CRYBG3: variants seen among roughly 807,000 people sequenced by gnomAD.
CRYBG3 encodes crystallin beta-gamma domain containing 3, also known as very large A-kinase anchor protein.
A neutral mutation model predicts 244.2 loss-of-function variants in CRYBG3; 127 were observed. The observed-to-expected ratio is 0.52, with a 90% CI of 0.45 to 0.60. The LOEUF is 0.60. CRYBG3 is among the 20% of genes least tolerant of loss of function. CRYBG3 has a pLI of 0.00. For missense variants in CRYBG3, 3,325 were observed against 3,442.5 expected, an observed-to-expected ratio of 0.97 and a Z score of 0.85; for synonymous variants, 1,132 against 1,195.8, an observed-to-expected ratio of 0.95 and a Z score of 1.10.
At chr3:97,929,790 GT>G (rs1451263915) in intron 17 of CRYBG3, among the ~76,000 whole-genome samples, 1 of 151,854 alleles carries the variant, frequency 6.6e-6, no homozygotes, top group African/African-American at 2.4e-5. Flanking sequence ...CTGTTAAAAT[GT>G]TTCAAATATT....
chr3:97,903,365 A>G (rs1303794415), intron 15 of CRYBG3, among the ~76,000 whole-genome samples: 5 of 152,208 alleles, frequency 3.3e-5, no homozygotes. Flanking sequence ...AATCACAGAA[A>G]TACTTAGGAA....
Position 97,873,658 on chromosome 3 carries a change from A to G in CRYBG3, c.2464A>G (p.Asn822Asp). The G allele has an allele frequency of 7.8e-6, 12 of 1,535,602 alleles. No individual in the cohort carries two copies. The highest frequency in any genetic ancestry group is 1.0e-5 in the Non-Finnish European group (12 of 1,146,742). The change falls in exon 4 of 22, where the codon AAC (asparagine) becomes GAC (aspartate). Residue 822 changes from asparagine (N) to aspartate (D), a missense_variant. Around this residue, in one of 4 missense-constraint regions of CRYBG3, gnomAD observed 1,526 missense variants for 1,443.2 expected, o/e 1.06. Coordinates refer to ENST00000389622, the MANE Select transcript of CRYBG3 (RefSeq NM_153605.4). ...IVSKAEIDGQNNVLVESHSGR... is the reference protein window; with the variant it reads ...IVSKAEIDGQDNVLVESHSGR... ...ATCAAAAGCTGAAATTGATGGTCAGAACAATGTTCTTGTGGAGTCACATTC... is the reference window on the plus strand; with the variant it reads ...ATCAAAAGCTGAAATTGATGGTCAGGACAATGTTCTTGTGGAGTCACATTC...
At position 97,941,247 on chromosome 3, in the gene CRYBG3, C is replaced by A; in HGVS notation, c.8605C>A (p.Pro2869Thr). 3 of 1,611,340 alleles carry A rather than the reference C, an allele frequency of 1.9e-6. No homozygotes were observed. Among genetic ancestry groups the A allele is most frequent in the Non-Finnish European group, 2.5e-6 (3 of 1,178,042 alleles). ...DTRATSVCISPYSGKNTQIWY... is the reference protein window; with the variant it reads ...DTRATSVCISTYSGKNTQIWY... ...CAGGGCAACATCTGTGTGCATTTCTCCCTATAGTGGAAAGAATACTCAGAT... is the reference window on the plus strand; with the variant it reads ...CAGGGCAACATCTGTGTGCATTTCTACCTATAGTGGAAAGAATACTCAGAT... The change falls in exon 20 of 22, where the codon CCC becomes ACC. Residue 2869 changes from proline (P) to threonine (T), a missense_variant. Transcript: ENST00000389622.
intron 15 of CRYBG3, among the ~76,000 whole-genome samples, chr3:97,908,216 A>C (rs1194483497): frequency 6.6e-6 from 1 of 152,118 alleles, no homozygotes; most frequent in Non-Finnish European, 1.5e-5. Flanking sequence ...AAAAAAATGT[A>C]TATTCTGTTG....
chr3:97,942,154 T>C lies in CRYBG3; in HGVS notation c.8665-130T>C, dbSNP rs966464113. 4 of 672,668 alleles carry C rather than the reference T, an allele frequency of 5.9e-6. No individual in the cohort carries two copies. The African/African-American group carries it at 7.3e-5, about 12-fold the overall frequency. The allele number at this position is 672,668 out of a possible 1,614,324, so 41.7% of individuals were successfully genotyped here. A position where few individuals can be genotyped will look rare whatever the true frequency, so the allele number is the denominator to read the frequency against. On this transcript the variant is annotated intron_variant, in intron 20 of 21. Transcript: ENST00000389622. ...AAAGGCTTACTGAAATTATACTATATAGTATTTTTTTAGATAAGACACACA... is the reference window on the plus strand; with the variant it reads ...AAAGGCTTACTGAAATTATACTATACAGTATTTTTTTAGATAAGACACACA...
At chr3:97,940,370 A>G (rs1327366164) in intron 19 of CRYBG3, among the ~76,000 whole-genome samples, 2 of 152,068 alleles carry the variant, frequency 1.3e-5, no homozygotes, top group African/African-American at 2.4e-5. Context: ...TTGTAAAACT[A>G]GGGTATAATT....
rs2039635630 is a variant in CRYBG3 at position 97,896,007 on chromosome 3, TGAA to T, written c.7628_7630del (p.Glu2543del). The stretch of plus-strand genomic sequence containing the variant: ...ATTTTAAAGGCCAGCAGTTTCTGCT[TGAA>T]GAAGGAGACTTTGAAGACAGTAATG... On this transcript the variant is annotated inframe_deletion, in exon 12 of 22. Coordinates refer to ENST00000389622, the MANE Select transcript of CRYBG3 (RefSeq NM_153605.4). 1.2e-6 allele frequency: 2 copies of T among 1,613,560 alleles called. No homozygotes were observed. Among genetic ancestry groups the T allele is most frequent in the Admixed American group, 1.7e-5 (1 of 59,982 alleles).
At chr3:97,838,539 A>G (rs182681596) in intron 1 of CRYBG3, among the ~76,000 whole-genome samples, 1 of 152,256 alleles carries the variant, frequency 6.6e-6, no homozygotes, top group Non-Finnish European at 1.5e-5. Flanking sequence ...TTTGAGAAAC[A>G]TAGATGCCTC....
chr3:97,902,753 G>T (rs543247611), intron 15 of CRYBG3, among the ~76,000 whole-genome samples: 1 of 152,058 alleles, frequency 6.6e-6, no homozygotes, highest in Non-Finnish European at 1.5e-5. Flanking sequence ...AAGACTGAAG[G>T]TTGGTCGCTA....
intron 20 of CRYBG3, 96 bp from the exon 21 acceptor site, chr3:97,942,188 A>G: frequency 9.4e-7 from 1 of 1,062,900 alleles, no homozygotes; most frequent in Admixed American, 2.6e-5. Flanking sequence ...CACACACTTC[A>G]TGTCTATGAC....
At chr3:97,829,791 T>C (rs964108673) in intron 1 of CRYBG3, among the ~76,000 whole-genome samples, 4 of 152,164 alleles carry the variant, frequency 2.6e-5, no homozygotes, top group African/African-American at 7.2e-5. Context: ...GCATGCAGTT[T>C]TGTGGGGAAG....
In CRYBG3 at chr3:97,876,811, C is replaced by A; in HGVS notation, c.5617C>A (p.His1873Asn). 7.7e-7 allele frequency: 1 copy of A among 1,302,358 alleles called. No homozygotes were observed. The highest frequency in any genetic ancestry group is 2.9e-5 in the East Asian group (1 of 34,762). The allele number at this position is 1,302,358 out of a possible 1,614,324, so 80.7% of individuals were successfully genotyped here. Residue 1873 changes from histidine (H) to asparagine (N), a missense_variant, in exon 4 of 22, where the codon CAT becomes AAT. His to Asn is a moderately conservative substitution (Grantham distance 68). Around this residue, in one of 4 missense-constraint regions of CRYBG3, gnomAD observed 635 missense variants for 771.7 expected, o/e 0.82. Transcript: ENST00000389622. The stretch of plus-strand genomic sequence containing the variant: ...CGCAGTGGTAGACATTGAGAAAATA[C>A]ATGGAACAGGACTAGAATTGACCAC... Reference protein sequence around the residue: ...LPAVVDIEKIHGTGLELTTKQ... With the variant: ...LPAVVDIEKINGTGLELTTKQ...
chr3:97,830,419 T>G (rs2038639241), intron 1 of CRYBG3, among the ~76,000 whole-genome samples: 1 of 152,196 alleles, frequency 6.6e-6, no homozygotes, highest in Admixed American at 6.5e-5. Flanking sequence ...ATCTCTCTAC[T>G]ACTCAGCCCT....
At chr3:97,850,548 A>G (rs1330926404) in intron 2 of CRYBG3, among the ~76,000 whole-genome samples, 1 of 152,194 alleles carries the variant, frequency 6.6e-6, no homozygotes, top group Non-Finnish European at 1.5e-5. Flanking sequence ...ATGTGTGATG[A>G]TATAAAAGTT....
In CRYBG3 at chr3:97,873,567, A is replaced by T. The variant is rs1360045379; in HGVS notation, c.2373A>T (p.Lys791Asn). 24 of 1,535,470 alleles carry T rather than the reference A, an allele frequency of 1.6e-5. No individual in the cohort carries two copies. The highest frequency in any genetic ancestry group is 2.0e-5 in the Non-Finnish European group (23 of 1,146,786). The part of the protein sequence containing the change: ...NRVELVSSNT[K>N]ANMSIIEKSD... ...TAGAGTTAGTGTCTTCAAACACTAA[A>T]GCAAATATGAGCATAATAGAGAAGT... Residue 791 changes from lysine to asparagine, a missense_variant, in exon 4 of 22, where the codon AAA (lysine) becomes AAT (asparagine). Physicochemically the swap from Lys to Asn is moderately conservative, Grantham distance 94. Transcript: ENST00000389622.
chr3:97,893,246 G>A (rs1180532663), intron 11 of CRYBG3, among the ~76,000 whole-genome samples: 1 of 152,200 alleles, frequency 6.6e-6, no homozygotes, highest in African/African-American at 2.4e-5. Flanking sequence ...ACACAGGATA[G>A]ACTATAAGAA....
In CRYBG3 at chr3:97,873,503, A is replaced by G. The variant is rs1427292645; in HGVS notation, c.2309A>G (p.Lys770Arg). 1.3e-5 allele frequency: 20 copies of G among 1,536,036 alleles called. No individual in the cohort carries two copies. Among genetic ancestry groups the G allele is most frequent in the Non-Finnish European group, 1.7e-5 (20 of 1,146,830 alleles). Residue 770 changes from lysine to arginine, a missense_variant, in exon 4 of 22, where the codon AAG becomes AGG. Physicochemically the swap from Lys to Arg is conservative, Grantham distance 26. Transcript: ENST00000389622. ...AGCTTTGACTCTGGAAACCTCTCTA[A>G]GGATTGCAGTTCCATTTTATCTCAA... ...LLSFDSGNLS[K>R]DCSSILSQDP...
At chr3:97,908,090 G>C (rs371503832) in intron 15 of CRYBG3, among the ~76,000 whole-genome samples, 13 of 152,174 alleles carry the variant, frequency 8.5e-5, no homozygotes, top group Admixed American at 1.3e-4. Flanking sequence ...GGTCTAGTTT[G>C]ATTGCACTGT....
intron 17 of CRYBG3, among the ~76,000 whole-genome samples, chr3:97,928,973 A>G (rs1244756569): frequency 6.6e-6 from 1 of 152,058 alleles, no homozygotes; most frequent in East Asian, 1.9e-4. Flanking sequence ...TTCTACTGTT[A>G]TTATCACTTA....
Sources: gnomAD v4.1 joint callset for allele counts (sites outside exome capture counted in the v4.1 genomes callset) on GRCh38, gnomAD v4.1.1 for gene constraint, gnomAD v4.1.1 regional missense constraint, MANE v1.5 for transcripts, NCBI Gene and HGNC (gene_info 2026-07-23, HGNC 2026-07-21) for gene names.